ADGRV1: variants seen among roughly 807,000 people sequenced by gnomAD.
The protein encoded by ADGRV1 is G-protein coupled receptor 98.
In ADGRV1, 359 loss-of-function variants were observed where a neutral mutation model predicts 596.2. The observed-to-expected ratio is 0.60, with a 90% CI of 0.55 to 0.66. The LOEUF (loss-of-function observed/expected upper bound fraction) is 0.66, where lower values mean the gene tolerates loss of function less well. ADGRV1 is among the 30% of genes least tolerant of loss of function. The pLI is 0.00. For missense variants in ADGRV1, 7,274 were observed against 7,575.6 expected (o/e 0.96, Z 1.48); for synonymous variants, 2,681 against 2,679.2 (o/e 1.00, Z -0.02).
In ADGRV1 at chr5:90,632,343, T is replaced by C. The variant is rs1229413782; in HGVS notation, c.1840-2771T>C. 2.0e-5 allele frequency among the ~76,000 whole-genome samples: 3 copies of C among 152,184 alleles called. No individual in the cohort carries two copies. In the East Asian group the frequency reaches 5.8e-4, roughly 29 times the overall value. Reference sequence around the variant, plus strand: ...GATGTGATAGAAGTTTGAGAATTGATGATGCAGAAATGTTGTTTTGGAGTT... The same window carrying C: ...GATGTGATAGAAGTTTGAGAATTGACGATGCAGAAATGTTGTTTTGGAGTT... On this transcript the variant is annotated intron_variant, in intron 9 of 89. Transcript: ENST00000405460.
rs751874998 is a variant in ADGRV1, at chr5:90,802,893, C to T, written c.14661+11C>T. The T allele has an allele frequency of 1.3e-6, 2 of 1,595,086 alleles. No individual in the cohort carries two copies. Among genetic ancestry groups the T allele is most frequent in the Non-Finnish European group, 1.7e-6 (2 of 1,170,114 alleles). On this transcript the variant is annotated intron_variant, in intron 71 of 89. Transcript: ENST00000405460. Reference sequence around the variant, plus strand: ...GCTGCCAATTCTCAGGTAATTGGCCCTGTGTGTGGTTCTCTCAGCAGAACA... The same window carrying T: ...GCTGCCAATTCTCAGGTAATTGGCCTTGTGTGTGGTTCTCTCAGCAGAACA...
chr5:90,617,616 T>G, intron 2 of ADGRV1, 188 bp from the exon 3 acceptor site: 1 of 502,990 alleles, frequency 2.0e-6, no homozygotes, highest in Non-Finnish European at 3.5e-6. Flanking sequence ...CCTGGAATCA[T>G]TTGTTTATTT....
At chr5:91,134,433 C>G (rs1258916406) in intron 87 of ADGRV1, among the ~76,000 whole-genome samples, 1 of 152,114 alleles carries the variant, frequency 6.6e-6, no homozygotes, top group Non-Finnish European at 1.5e-5. Context: ...GTGATCCCCA[C>G]CCTGCCAGCC....
chr5:90,594,899 C>T (rs1445424664), intron 1 of ADGRV1, among the ~76,000 whole-genome samples: 6 of 149,604 alleles, frequency 4.0e-5, no homozygotes, highest in Middle Eastern at 3.5e-3. Context: ...TACACAGACA[C>T]GGCAACCATC....
At chr5:91,034,092 A>G (rs1784681172) in intron 85 of ADGRV1, among the ~76,000 whole-genome samples, 1 of 152,174 alleles carries the variant, frequency 6.6e-6, no homozygotes, top group Non-Finnish European at 1.5e-5. Context: ...TTCTATAGAT[A>G]CTAAATTTTA....
chr5:90,946,622 C>T (rs1345829363), intron 83 of ADGRV1, among the ~76,000 whole-genome samples: 1 of 152,030 alleles, frequency 6.6e-6, no homozygotes, highest in African/African-American at 2.4e-5. Flanking sequence ...CCCCACTCCC[C>T]ACACACAACA....
At chr5:90,788,407 T>C in intron 68 of ADGRV1, 97 bp downstream of exon 68, 2 of 1,228,500 alleles carry the variant, frequency 1.6e-6, no homozygotes, top group Non-Finnish European at 2.2e-6. Context: ...TTGTGATAAA[T>C]TGGAAATTAT....
chr5:90,918,110 A>G (rs80008327), intron 83 of ADGRV1, among the ~76,000 whole-genome samples: 309 of 152,200 alleles, frequency 2.0e-3, no homozygotes, highest in Non-Finnish European at 3.0e-3. Context: ...ATCTGAATAG[A>G]CTTGCTAAGG....
At position 90,851,811 on chromosome 5, in the gene ADGRV1, C is replaced by G. The variant is rs974875203; in HGVS notation, c.17205-1473C>G. The stretch of plus-strand genomic sequence containing the variant: ...TGTCAGGAATTTGTTATGCTTGCAT[C>G]AAGCTTAGGAAGAGTCACTGCATGT... On this transcript the variant is annotated intron_variant, in intron 79 of 89. Transcript: ENST00000405460. Among the ~76,000 whole-genome samples the G allele has an allele frequency of 2.6e-5, 4 of 152,290 alleles. No individual in the cohort carries two copies. In the South Asian group the frequency reaches 8.3e-4, roughly 32 times the overall value.
chr5:90,818,717 T>G (rs1249367203), intron 75 of ADGRV1, among the ~76,000 whole-genome samples: 5 of 150,624 alleles, frequency 3.3e-5, no homozygotes, highest in South Asian at 2.1e-4. Context: ...TGGATTACAT[T>G]TATTGATTTG....
rs189960284 is a variant in ADGRV1 at position 90,738,960 on chromosome 5, C to T, written c.10550-6086C>T. 2.5e-3 allele frequency among the ~76,000 whole-genome samples: 379 copies of T among 152,078 alleles called. 1 individual carries two copies. Among genetic ancestry groups the T allele is most frequent in the Middle Eastern group, 6.8e-3 (2 of 292 alleles). ...GTTCTCTTGATTGTGTCACATAATT[C>T]CTATAGACCTTCTCTATTCTTTTTC... On this transcript the variant is annotated intron_variant, in intron 50 of 89. Transcript: ENST00000405460.
intron 20 of ADGRV1, chr5:90,654,230 G>A: frequency 4.9e-6 from 2 of 409,850 alleles, no homozygotes; most frequent in Non-Finnish European, 8.9e-6. Context: ...TAGGAAGACA[G>A]AAAAAAATAT....
chr5:91,112,235 C>G (rs1212890669), intron 87 of ADGRV1, among the ~76,000 whole-genome samples: 1 of 152,226 alleles, frequency 6.6e-6, no homozygotes, highest in East Asian at 1.9e-4. Flanking sequence ...TAATGAGGGG[C>G]TTGAACAGAC....
intron 83 of ADGRV1, among the ~76,000 whole-genome samples, chr5:90,935,758 G>A (rs542549952): frequency 6.6e-6 from 1 of 152,182 alleles, no homozygotes. Flanking sequence ...TCGAGGCAGT[G>A]TTTCTTAGAA....
chr5:91,160,240 C>T (rs896107014), intron 89 of ADGRV1, among the ~76,000 whole-genome samples: 1 of 152,238 alleles, frequency 6.6e-6, no homozygotes, highest in African/African-American at 2.4e-5. Context: ...ATAAATTTCT[C>T]TTTGCAAGAT....
At chr5:90,972,115 A>G (rs1218497072) in intron 84 of ADGRV1, among the ~76,000 whole-genome samples, 1 of 152,256 alleles carries the variant, frequency 6.6e-6, no homozygotes, top group African/African-American at 2.4e-5. Flanking sequence ...AGGCCATTAC[A>G]TAATGGTAAA....
intron 34 of ADGRV1, among the ~76,000 whole-genome samples, chr5:90,699,633 A>G (rs1480996771): frequency 1.3e-5 from 2 of 152,126 alleles, no homozygotes; most frequent in African/African-American, 2.4e-5. Flanking sequence ...TAGGGCCACT[A>G]ATGTTGTGAA....
At chr5:90,625,070 G>A in intron 5 of ADGRV1, 60 bp from the exon 6 acceptor site, 1 of 972,390 alleles carries the variant, frequency 1.0e-6, no homozygotes, top group South Asian at 1.5e-5. Context: ...TCACAATGAT[G>A]CTTTCTCAGT....
At chr5:90,936,019 A>G (rs916261058) in intron 83 of ADGRV1, among the ~76,000 whole-genome samples, 4 of 152,216 alleles carry the variant, frequency 2.6e-5, no homozygotes, top group African/African-American at 7.2e-5. Flanking sequence ...ATGCTTTTCA[A>G]GAGTTTTAGA....
Sources: allele counts gnomAD v4.1 joint callset (sites outside exome capture counted in the v4.1 genomes callset), GRCh38; gene constraint gnomAD v4.1.1; transcripts MANE v1.5; gene names NCBI Gene and HGNC (gene_info 2026-07-23, HGNC 2026-07-21).